Variants in GPR37 observed in about 807,000 individuals in gnomAD.
GPR37 encodes G protein-coupled receptor 37.
In GPR37, 20 loss-of-function variants were observed where a neutral mutation model predicts 43.6. The observed-to-expected ratio is 0.46, with a 90% CI of 0.32 to 0.67. The LOEUF is 0.67. Ranked by LOEUF, GPR37 falls within the 30% of genes least tolerant of loss-of-function variation. The pLI, the probability that GPR37 is intolerant of heterozygous loss-of-function variation, is 0.03. For missense variants in GPR37, 724 were observed against 797.2 expected, an observed-to-expected ratio of 0.91 and a Z score of 1.11; for synonymous variants, 315 against 322.6, an observed-to-expected ratio of 0.98 and a Z score of 0.25.
Position 124,764,669 on chromosome 7 carries a change from T to C in GPR37, c.308A>G (p.Glu103Gly). 6.3e-7 allele frequency: 1 copy of C among 1,588,088 alleles called. No homozygotes were observed. Among genetic ancestry groups the C allele is most frequent in the South Asian group, 1.1e-5 (1 of 89,038 alleles). The change falls in exon 1 of 2, where the codon GAG becomes GGG. Residue 103 changes from glutamate (E) to glycine (G), a missense_variant. Transcript: ENST00000303921. The surrounding 1 kb of genome is among the most constrained non-coding windows in gnomAD (Gnocchi z 5.4). ...TCCCGGGGGTCCGGCTGCCGACGCCTCCGCCCCTCTGCCTGCAGCCGGGTC... is the reference window on the plus strand; with the variant it reads ...TCCCGGGGGTCCGGCTGCCGACGCCCCCGCCCCTCTGCCTGCAGCCGGGTC... ...GRDPAAGRGA[E>G]ASAAGPPGPP...
In GPR37 at chr7:124,747,351, G is replaced by T. The variant is rs766300179; in HGVS notation, c.1024-8C>A. 6.3e-7 allele frequency: 1 copy of T among 1,579,158 alleles called. No individual in the cohort carries two copies. Among genetic ancestry groups the T allele is most frequent in the East Asian group, 2.2e-5 (1 of 44,596 alleles). On this transcript the variant is annotated splice_region_variant and splice_polypyrimidine_tract_variant and intron_variant, in intron 1 of 1. Coordinates refer to ENST00000303921, the MANE Select transcript of GPR37 (RefSeq NM_005302.5). ...GACTCCCAGAGAAGCGACCTGTGGG[G>T]GAACATAGAAGACATTTATTCCCGG...
intron 1 of GPR37, among the ~76,000 whole-genome samples, chr7:124,758,833 C>T (rs935458248): frequency 1.3e-5 from 2 of 152,118 alleles, no homozygotes; most frequent in African/African-American, 4.8e-5. Flanking sequence ...ACAGTTAGAT[C>T]TGGGGTTATC....
rs767646349 is a variant in GPR37 at position 124,764,098 on chromosome 7, C to T, written c.879G>A (p.Arg293=). ...MCIVCHNYYM[R]SISNSLLANL... is the part of the protein sequence containing the mutation. ...TGGCCAAGAGGGAGTTGGAGATGCT[C>T]CGCATGTAGTAGTTGTGGCACACGA... Residue 293 remains arginine, a synonymous_variant, in exon 1 of 2, where the codon CGG becomes CGA. Transcript: ENST00000303921. The surrounding 1 kb of genome is among the most constrained non-coding windows in gnomAD (Gnocchi z 5.4). 14 of 1,613,816 alleles carry T rather than the reference C, an allele frequency of 8.7e-6. No individual in the cohort carries two copies. Among genetic ancestry groups the T allele is most frequent in the Non-Finnish European group, 1.2e-5 (14 of 1,179,932 alleles).
In GPR37 at chr7:124,765,465, C is replaced by T. The variant is rs1793909523; in HGVS notation, c.-489G>A. On this transcript the variant is annotated 5_prime_UTR_variant, in exon 1 of 2. Coordinates refer to ENST00000303921, the MANE Select transcript of GPR37 (RefSeq NM_005302.5). ...TCTAGAGGAAAAGAAAAACAAGTCC[C>T]CCTCCCCCAGACGACTCGCAGTCAC... is the stretch of plus-strand genomic sequence containing the variant. 6.5e-6 allele frequency: 1 copy of T among 154,058 alleles called. No individual in the cohort carries two copies. The highest frequency in any genetic ancestry group is 1.4e-5 in the Non-Finnish European group (1 of 69,458). The allele number at this position is 154,058 out of a possible 1,614,324, so 9.5% of individuals were successfully genotyped here. A position where few individuals can be genotyped will look rare whatever the true frequency, so the allele number is the denominator to read the frequency against.
chr7:124,747,439 T>A (rs930361882), intron 1 of GPR37, 96 bp from the exon 2 acceptor site: 17 of 714,764 alleles, frequency 2.4e-5, no homozygotes, highest in Non-Finnish European at 3.9e-5. Flanking sequence ...TAAAAAAAAA[T>A]ATGGATAAAT....
At chr7:124,758,575 A>G (rs920622664) in intron 1 of GPR37, among the ~76,000 whole-genome samples, 2 of 152,194 alleles carry the variant, frequency 1.3e-5, no homozygotes, top group East Asian at 3.8e-4. Context: ...TGGCACTGTC[A>G]TCTTCAACCT....
chr7:124,759,066 A>ATTT (rs541602933), intron 1 of GPR37, among the ~76,000 whole-genome samples: 63 of 137,190 alleles, frequency 4.6e-4, no homozygotes, highest in African/African-American at 9.8e-4. Context: ...AATTATTTGA[A>ATTT]TTTTTTTTTT....
At position 124,746,478 on chromosome 7, in the gene GPR37, G is replaced by T; in HGVS notation, c.*47C>A. ...AAATATGAATTAAAAACTTTCACGG[G>T]ATATGAAAATCAAACAAATAAATCT... On this transcript the variant is annotated 3_prime_UTR_variant, in exon 2 of 2. Coordinates refer to ENST00000303921, the MANE Select transcript of GPR37 (RefSeq NM_005302.5). 7.4e-7 allele frequency: 1 copy of T among 1,347,542 alleles called. No homozygotes were observed. 83.5% of individuals were successfully genotyped at this position (1,347,542 alleles called of 1,614,324 possible).
rs149590498 is a variant in GPR37 at position 124,749,488 on chromosome 7, C to A, written c.1024-2145G>T. Among the ~76,000 whole-genome samples the A allele has an allele frequency of 1.7e-4, 26 of 152,096 alleles. 1 individual carries two copies. In the East Asian group the frequency reaches 4.8e-3, roughly 28 times the overall value. ...GGGATGATGTTGACAAAAGGGAAAC[C>A]ATTTGTCATACAATTTTAGTACTCA... On this transcript the variant is annotated intron_variant, in intron 1 of 1. Transcript: ENST00000303921.
chr7:124,751,648 AGTGCAATTAT>A (rs1231615422), intron 1 of GPR37, among the ~76,000 whole-genome samples: 3 of 152,202 alleles, frequency 2.0e-5, no homozygotes, highest in African/African-American at 4.8e-5. Flanking sequence ...TAAGATGAAT[AGTGCAATTAT>A]GTGCAATTAT....
chr7:124,752,472 C>T (rs1793744511), intron 1 of GPR37, among the ~76,000 whole-genome samples: 1 of 152,164 alleles, frequency 6.6e-6, no homozygotes, highest in African/African-American at 2.4e-5. Context: ...TGGAATCACT[C>T]ATTACAGTCT....
chr7:124,761,018 G>A (rs569742879), intron 1 of GPR37, among the ~76,000 whole-genome samples: 5 of 152,064 alleles, frequency 3.3e-5, no homozygotes, highest in Admixed American at 3.3e-4. Context: ...AATTAGCCGG[G>A]TGTGGTGACA....
Position 124,764,150 on chromosome 7 carries a change from A to C in GPR37, c.827T>G (p.Ile276Ser). The change falls in exon 1 of 2, where the codon ATC becomes AGC. Residue 276 changes from isoleucine (I) to serine (S), a missense_variant. Coordinates refer to ENST00000303921, the MANE Select transcript of GPR37 (RefSeq NM_005302.5). The surrounding 1 kb of genome is among the most constrained non-coding windows in gnomAD (Gnocchi z 5.4). Reference protein sequence around the residue: ...CLSVVIFGTGIIGNLAVMCIV... With the variant: ...CLSVVIFGTGSIGNLAVMCIV... Reference sequence around the variant, plus strand: ...GCACATCACCGCCAGGTTGCCAATGATGCCGGTCCCGAAGATCACCACGGA... The same window carrying C: ...GCACATCACCGCCAGGTTGCCAATGCTGCCGGTCCCGAAGATCACCACGGA... 1 of 1,606,064 alleles carries C rather than the reference A, an allele frequency of 6.2e-7. No individual in the cohort carries two copies.
At chr7:124,749,567 G>A (rs117328144) in intron 1 of GPR37, among the ~76,000 whole-genome samples, 9 of 152,024 alleles carry the variant, frequency 5.9e-5, no homozygotes, top group Non-Finnish European at 1.5e-5. Context: ...CCAGAGCTAC[G>A]GCAACTTGCC....
At chr7:124,752,277 C>T (rs902461716) in intron 1 of GPR37, among the ~76,000 whole-genome samples, 1 of 152,058 alleles carries the variant, frequency 6.6e-6, no homozygotes, top group African/African-American at 2.4e-5. Context: ...TAGCACAATG[C>T]TATATGTGTG....
At chr7:124,750,551 A>C (rs1396563953) in intron 1 of GPR37, among the ~76,000 whole-genome samples, 1 of 152,170 alleles carries the variant, frequency 6.6e-6, no homozygotes, top group Non-Finnish European at 1.5e-5. Flanking sequence ...ACAATGCACA[A>C]AAGATAGCAT....
rs1359779385 is a variant in GPR37 at position 124,747,127 on chromosome 7, C to T, written c.1240G>A (p.Ala414Thr). ...SKEDLGFSGRAPAERCIIKIS... is the reference protein window; with the variant it reads ...SKEDLGFSGRTPAERCIIKIS... ...TTAATAATGCACCTTTCTGCCGGAGCTCGGCCACTAAACCCCAAATCCTCC... is the reference window on the plus strand; with the variant it reads ...TTAATAATGCACCTTTCTGCCGGAGTTCGGCCACTAAACCCCAAATCCTCC... Residue 414 changes from alanine to threonine, a missense_variant, in exon 2 of 2, where the codon GCT becomes ACT. Ala to Thr is a moderately conservative substitution (Grantham distance 58, BLOSUM62 0). Around this residue, in one of 2 missense-constraint regions of GPR37, gnomAD observed 342 missense variants for 441.8 expected, o/e 0.77. Coordinates refer to ENST00000303921, the MANE Select transcript of GPR37 (RefSeq NM_005302.5). 6.2e-7 allele frequency: 1 copy of T among 1,613,972 alleles called. No individual in the cohort carries two copies. The highest frequency in any genetic ancestry group is 1.3e-5 in the African/African-American group (1 of 75,012).
intron 1 of GPR37, among the ~76,000 whole-genome samples, chr7:124,753,749 T>A (rs544999489): frequency 2.6e-5 from 4 of 152,226 alleles, no homozygotes; most frequent in African/African-American, 9.6e-5. Context: ...TTATCACCAC[T>A]GGCAAGACTG....
At position 124,744,194 on chromosome 7, in the gene GPR37, AG is replaced by A. The variant is rs1377539427; in HGVS notation, c.*2330del. On this transcript the variant is annotated 3_prime_UTR_variant, in exon 2 of 2. Coordinates refer to ENST00000303921, the MANE Select transcript of GPR37 (RefSeq NM_005302.5). Reference sequence around the variant, plus strand: ...GTTCAATCTCTTATAATAGCTTCCTAGTTGCTTTTTCATGATCAGACTGTCC... The same window carrying A: ...GTTCAATCTCTTATAATAGCTTCCTATTGCTTTTTCATGATCAGACTGTCC... 1.3e-5 allele frequency: 2 copies of A among 152,078 alleles called. No individual in the cohort carries two copies. Among genetic ancestry groups the A allele is most frequent in the Non-Finnish European group, 2.9e-5 (2 of 67,982 alleles). The allele number at this position is 152,078 out of a possible 1,614,324, so 9.4% of individuals were successfully genotyped here. A position where few individuals can be genotyped will look rare whatever the true frequency, so the allele number is the denominator to read the frequency against.
Sources: gnomAD v4.1 joint callset for allele counts (sites outside exome capture counted in the v4.1 genomes callset) on GRCh38, gnomAD v4.1.1 for gene constraint, gnomAD v4.1.1 regional missense constraint, Gnocchi (gnomAD v3.1) non-coding constraint, MANE v1.5 for transcripts, NCBI Gene and HGNC (gene_info 2026-07-23, HGNC 2026-07-21) for gene names.